The following ITGA1 variants were observed in gnomAD, a reference collection of about 807,000 sequenced individuals.
ITGA1 encodes integrin subunit alpha 1.
In ITGA1, 85 loss-of-function variants were observed where a neutral mutation model predicts 145.9. That is an observed-to-expected ratio of 0.58 (90% CI 0.49 to 0.70). ITGA1 has a LOEUF of 0.70. Among genes scored for constraint, ITGA1 ranks in the 30% least tolerant of loss-of-function variants. ITGA1 has a pLI of 0.00. For missense variants in ITGA1, 1,351 were observed against 1,418.7 expected (o/e 0.95, Z 0.77); for synonymous variants, 520 against 495.3 (o/e 1.05, Z -0.66).
At chr5:52,819,732 T>G (rs1748836806) in intron 1 of ITGA1, among the ~76,000 whole-genome samples, 1 of 152,230 alleles carries the variant, frequency 6.6e-6, no homozygotes, top group African/African-American at 2.4e-5. Flanking sequence ...CATGCCTATG[T>G]CCTGAATGGT....
At chr5:52,817,019 C>T (rs1561217012) in intron 1 of ITGA1, among the ~76,000 whole-genome samples, 3 of 152,178 alleles carry the variant, frequency 2.0e-5, no homozygotes, top group African/African-American at 7.2e-5. Context: ...TAAACTTTGT[C>T]AGTTTAGAAT....
intron 23 of ITGA1, among the ~76,000 whole-genome samples, chr5:52,934,207 T>C (rs942899915): frequency 6.6e-6 from 1 of 151,060 alleles, no homozygotes; most frequent in African/African-American, 2.4e-5. Flanking sequence ...TCACTGAAGA[T>C]TTAAATTTGT....
At chr5:52,903,443 A>G (rs1455855424) in intron 11 of ITGA1, 1 of 152,220 alleles carries the variant, frequency 6.6e-6, no homozygotes, top group Non-Finnish European at 1.5e-5. Flanking sequence ...TTTAGATTCT[A>G]TTATGTATAA....
chr5:52,819,170 G>T (rs1748825615), intron 1 of ITGA1, among the ~76,000 whole-genome samples: 1 of 152,196 alleles, frequency 6.6e-6, no homozygotes, highest in Non-Finnish European at 1.5e-5. Flanking sequence ...CCAGTAATGG[G>T]ATGGTGGGGT....
At chr5:52,813,032 T>C (rs1018118216) in intron 1 of ITGA1, among the ~76,000 whole-genome samples, 4 of 152,162 alleles carry the variant, frequency 2.6e-5, no homozygotes, top group African/African-American at 9.7e-5. Context: ...TTTTATTTCT[T>C]TAAATTTGAT....
chr5:52,828,996 A>T (rs941070040), intron 1 of ITGA1, among the ~76,000 whole-genome samples: 3 of 152,128 alleles, frequency 2.0e-5, no homozygotes, highest in Non-Finnish European at 4.4e-5. Flanking sequence ...CTCTTATAAG[A>T]TTACCAGTCA....
At chr5:52,865,842 C>T in intron 6 of ITGA1, 25 bp downstream of exon 6, 4 of 1,541,446 alleles carry the variant, frequency 2.6e-6, no homozygotes, top group Non-Finnish European at 3.5e-6. Context: ...GTTTTGATTT[C>T]TGTTGTTCTA....
chr5:52,846,786 G>A (rs1294843296), intron 1 of ITGA1, among the ~76,000 whole-genome samples: 1 of 152,146 alleles, frequency 6.6e-6, no homozygotes, highest in Non-Finnish European at 1.5e-5. Flanking sequence ...AATACTTGCA[G>A]AGACCCTCCC....
Position 52,929,660 on chromosome 5 carries a change from C to T in ITGA1, c.2730C>T (p.Ser910=), listed in dbSNP as rs367576040. The T allele has an allele frequency of 1.9e-6, 3 of 1,591,078 alleles. No homozygotes were observed. Among genetic ancestry groups the T allele is most frequent in the Admixed American group, 1.7e-5 (1 of 58,682 alleles). ...TFKILFQFNT[S]YLMENVTIYL... is the part of the protein sequence containing the mutation. ...AAATATTGTTTCAGTTTAACACATCCTATCTCATGGAAAATGTGACCATTT... is the reference window on the plus strand; with the variant it reads ...AAATATTGTTTCAGTTTAACACATCTTATCTCATGGAAAATGTGACCATTT... The change falls in exon 21 of 29, where the codon TCC becomes TCT. Residue 910 remains serine, a synonymous_variant. Transcript: ENST00000282588.
chr5:52,822,723 T>C (rs547282741), intron 1 of ITGA1, among the ~76,000 whole-genome samples: 1 of 152,316 alleles, frequency 6.6e-6, no homozygotes, highest in Admixed American at 6.5e-5. Flanking sequence ...TTACTTCTAA[T>C]CTTTCTGCTT....
intron 1 of ITGA1, among the ~76,000 whole-genome samples, chr5:52,848,809 T>C (rs1436796199): frequency 6.8e-6 from 1 of 148,082 alleles, no homozygotes; most frequent in Non-Finnish European, 1.5e-5. Context: ...TTCCCACCTA[T>C]GAGTGAGAAC....
At chr5:52,803,091 TA>T (rs1404499085) in intron 1 of ITGA1, 4 of 152,216 alleles carry the variant, frequency 2.6e-5, no homozygotes, top group African/African-American at 9.7e-5. Context: ...CAGCGACGCC[TA>T]TTTCAAGTAG....
chr5:52,891,905 C>T (rs1457600243), intron 8 of ITGA1, among the ~76,000 whole-genome samples: 3 of 151,376 alleles, frequency 2.0e-5, no homozygotes, highest in African/African-American at 7.3e-5. Context: ...ATATTAAAAA[C>T]AGTTTTAACA....
intron 3 of ITGA1, chr5:52,864,141 A>T (rs1749648534): frequency 6.6e-6 from 1 of 152,184 alleles, no homozygotes; most frequent in South Asian, 2.1e-4. Context: ...GAGAAAGTGA[A>T]ACTTCTTGCC....
chr5:52,903,772 G>A lies in ITGA1; in HGVS notation c.1310-1991G>A, dbSNP rs1750352958. 3 of 152,100 alleles carry A rather than the reference G, an allele frequency of 2.0e-5. No homozygotes were observed. The South Asian group carries it at 6.2e-4, about 32-fold the overall frequency. 9.4% of individuals were successfully genotyped at this position (152,100 alleles called of 1,614,324 possible). The stretch of plus-strand genomic sequence containing the variant: ...TATTCCTTTTATAAAATCAAAATCT[G>A]CATGTGGCAATTTTTATTCATTGAT... On this transcript the variant is annotated intron_variant, in intron 11 of 28. Coordinates refer to ENST00000282588, the MANE Select transcript of ITGA1 (RefSeq NM_181501.2).
At chr5:52,797,656 A>G (rs1339534280) in intron 1 of ITGA1, among the ~76,000 whole-genome samples, 1 of 152,146 alleles carries the variant, frequency 6.6e-6, no homozygotes, top group Non-Finnish European at 1.5e-5. Context: ...GAAGGAGATG[A>G]TTACAAACAT....
intron 1 of ITGA1, among the ~76,000 whole-genome samples, chr5:52,807,975 T>C (rs1748621515): frequency 6.6e-6 from 1 of 152,084 alleles, no homozygotes; most frequent in Non-Finnish European, 1.5e-5. Context: ...AATCTAGAAA[T>C]TAGATATCAG....
intron 15 of ITGA1, 82 bp from the exon 16 acceptor site, chr5:52,918,650 A>C (rs1750685403): frequency 7.3e-7 from 1 of 1,372,128 alleles, no homozygotes; most frequent in Admixed American, 2.2e-5. Context: ...ACCCTCTTCC[A>C]TGCACTCACT....
At chr5:52,924,403 G>A (rs1198144796) in intron 18 of ITGA1, among the ~76,000 whole-genome samples, 3 of 152,144 alleles carry the variant, frequency 2.0e-5, no homozygotes, top group African/African-American at 7.2e-5. Context: ...CAGAGGGGAT[G>A]CTAAGTGTGA....
Sources: allele counts gnomAD v4.1 joint callset (sites outside exome capture counted in the v4.1 genomes callset), GRCh38; gene constraint gnomAD v4.1.1; transcripts MANE v1.5; gene names NCBI Gene and HGNC (gene_info 2026-07-23, HGNC 2026-07-21).